Variants in CUL3 observed in about 807,000 individuals in gnomAD.
CUL3 encodes the protein cullin 3.
Under a neutral mutation model 89.1 loss-of-function variants are expected in CUL3, and 19 were observed. The observed-to-expected ratio is 0.21, with a 90% CI of 0.15 to 0.31. The LOEUF is 0.31. CUL3 is among the 10% of genes least tolerant of loss of function. CUL3 has a pLI of 1.00. For missense variants in CUL3, 469 were observed against 942.3 expected, an observed-to-expected ratio of 0.50 and a Z score of 6.58; for synonymous variants, 351 against 308.4, an observed-to-expected ratio of 1.14 and a Z score of -1.45.
intron 1 of CUL3, among the ~76,000 whole-genome samples, chr2:224,575,900 T>C (rs1315266393): frequency 6.6e-6 from 1 of 152,278 alleles, no homozygotes; most frequent in South Asian, 2.1e-4. Context: ...ACCTGACCCA[T>C]AGCAGCAACA....
chr2:224,526,704 T>G (rs1302240088), intron 3 of CUL3, among the ~76,000 whole-genome samples: 1 of 151,378 alleles, frequency 6.6e-6, no homozygotes, highest in African/African-American at 2.4e-5. Context: ...TTCCTAAACT[T>G]AATGTCATGG....
At chr2:224,583,269 CAGG>C (rs753517903) in intron 1 of CUL3, among the ~76,000 whole-genome samples, 32 of 152,172 alleles carry the variant, frequency 2.1e-4, no homozygotes, top group Non-Finnish European at 3.8e-4. Flanking sequence ...CCCAGCTACT[CAGG>C]AGGCTTTTAA....
At chr2:224,510,468 T>C (rs1387404620) in intron 6 of CUL3, among the ~76,000 whole-genome samples, 1 of 152,060 alleles carries the variant, frequency 6.6e-6, no homozygotes, top group Non-Finnish European at 1.5e-5. Flanking sequence ...CTCTTTATAA[T>C]TCTCCTTTAA....
Position 224,472,482 on chromosome 2 carries a change from A to C in CUL3, c.*1763T>G, listed in dbSNP as rs922116019. 6 of 192,292 alleles carry C rather than the reference A, an allele frequency of 3.1e-5. No individual in the cohort carries two copies. The highest frequency in any genetic ancestry group is 4.3e-5 in the Non-Finnish European group (4 of 92,142). The allele number at this position is 192,292 out of a possible 1,614,324, so 11.9% of individuals were successfully genotyped here. On this transcript the variant is annotated 3_prime_UTR_variant, in exon 16 of 16. Transcript: ENST00000264414. ...CTATAAACATCTTACCATTATAGAA[A>C]ATTTCCAATTATGTCAAAATCAGAA...
At chr2:224,569,758 G>A (rs1367818270) in intron 1 of CUL3, 2 of 1,207,152 alleles carry the variant, frequency 1.7e-6, no homozygotes, top group African/African-American at 1.6e-5. Context: ...ATGAAAAGAA[G>A]TGAATTCTTA....
chr2:224,546,470 G>A (rs1243643893), intron 2 of CUL3, among the ~76,000 whole-genome samples: 1 of 152,042 alleles, frequency 6.6e-6, no homozygotes, highest in Non-Finnish European at 1.5e-5. Context: ...AAAAAAAATG[G>A]ATCTCAGCTA....
rs193105416 is a variant in CUL3 at position 224,563,217 on chromosome 2, T to G, written c.67-5361A>C. 3.3e-4 allele frequency: 154 copies of G among 470,992 alleles called. 3 individuals carry two copies. In the East Asian group the frequency reaches 9.9e-3, roughly 30 times the overall value. The allele number at this position is 470,992 out of a possible 1,614,324, so 29.2% of individuals were successfully genotyped here. ...ACCTCAGTATAACGTAGCTTTCTTT[T>G]AGAAAACATTATTCCCCTACATCTC... On this transcript the variant is annotated intron_variant, in intron 1 of 15. Transcript: ENST00000264414.
At chr2:224,528,935 AC>A (rs1693585059) in intron 3 of CUL3, among the ~76,000 whole-genome samples, 1 of 152,188 alleles carries the variant, frequency 6.6e-6, no homozygotes, top group Admixed American at 6.5e-5. Context: ...TCAAGAAGAA[AC>A]ACAAAAATAC....
chr2:224,514,683 A>G lies in CUL3; in HGVS notation c.468T>C (p.Cys156=), dbSNP rs1692971285. The change falls in exon 4 of 16, where the codon TGT becomes TGC. Residue 156 remains cysteine (C), a synonymous_variant. Coordinates refer to ENST00000264414, the MANE Select transcript of CUL3 (RefSeq NM_003590.5). The stretch of plus-strand genomic sequence containing the variant: ...GAGTTTGCCGTAGATGATCCCTAAT[A>G]CACCCATAACGTACAACTTGATCTC... ...IFRDQVVRYG[C]IRDHLRQTLL... The G allele has an allele frequency of 6.2e-7, 1 of 1,613,478 alleles. No homozygotes were observed. The highest frequency in any genetic ancestry group is 1.7e-5 in the Admixed American group (1 of 60,006).
intron 3 of CUL3, among the ~76,000 whole-genome samples, chr2:224,515,582 T>C (rs1468519969): frequency 6.6e-6 from 1 of 152,202 alleles, no homozygotes; most frequent in African/African-American, 2.4e-5. Context: ...CCCATATCTT[T>C]CACCAGATTC....
intron 1 of CUL3, among the ~76,000 whole-genome samples, chr2:224,565,185 C>T (rs1166285506): frequency 6.6e-6 from 1 of 152,096 alleles, no homozygotes; most frequent in Non-Finnish European, 1.5e-5. Context: ...CTATTAACAC[C>T]TGTTTTGTAT....
At chr2:224,578,092 T>C (rs1400887887) in intron 1 of CUL3, among the ~76,000 whole-genome samples, 2 of 152,196 alleles carry the variant, frequency 1.3e-5, no homozygotes, top group Non-Finnish European at 2.9e-5. Context: ...GCTATTATTA[T>C]TACCCTTATG....
chr2:224,509,753 C>G (rs753549255), intron 6 of CUL3, among the ~76,000 whole-genome samples: 42 of 152,200 alleles, frequency 2.8e-4, no homozygotes, highest in Non-Finnish European at 5.6e-4. Context: ...TTTCCTATCC[C>G]CTAAGGTAGG....
chr2:224,503,618 A>T (rs748056017), intron 9 of CUL3, 34 bp downstream of exon 9: 1 of 1,499,084 alleles, frequency 6.7e-7, no homozygotes, highest in Non-Finnish European at 8.9e-7. Context: ...AACCTCAGTT[A>T]GGTGCACTCT....
At position 224,472,430 on chromosome 2, in the gene CUL3, T is replaced by C. The variant is rs1166007286; in HGVS notation, c.*1815A>G. 2 of 201,424 alleles carry C rather than the reference T, an allele frequency of 9.9e-6. No homozygotes were observed. The highest frequency in any genetic ancestry group is 4.6e-5 in the African/African-American group (2 of 43,620). The allele number at this position is 201,424 out of a possible 1,614,324, so 12.5% of individuals were successfully genotyped here. On this transcript the variant is annotated 3_prime_UTR_variant, in exon 16 of 16. Transcript: ENST00000264414. Reference sequence around the variant, plus strand: ...TGGGAAATGAAAGCAATAAAAAAATTCTCAAACATGAACTACCATTACTTT... The same window carrying C: ...TGGGAAATGAAAGCAATAAAAAAATCCTCAAACATGAACTACCATTACTTT...
intron 13 of CUL3, 68 bp downstream of exon 13, chr2:224,495,763 AG>A: frequency 1.5e-6 from 2 of 1,348,174 alleles, no homozygotes; most frequent in Non-Finnish European, 2.1e-6. Context: ...TATTCAAATA[AG>A]AAAGACTCAA....
rs1880176 is a variant in CUL3 at position 224,549,849 on chromosome 2, C to T, written c.264+7810G>A. Among the ~76,000 whole-genome samples, 1,258 of 152,154 alleles carry T rather than the reference C, an allele frequency of 8.3e-3. 10 individuals are homozygous for T. Among genetic ancestry groups the T allele is most frequent in the African/African-American group, 0.029 (1,200 of 41,506 alleles). ...TGCTTTAGTATCTGACTTACATATA[C>T]ACATATATGCGTGCACACACACACA... On this transcript the variant is annotated intron_variant, in intron 2 of 15. Transcript: ENST00000264414.
At chr2:224,534,628 A>G (rs1324114506) in intron 3 of CUL3, among the ~76,000 whole-genome samples, 3 of 152,284 alleles carry the variant, frequency 2.0e-5, no homozygotes, top group African/African-American at 7.2e-5. Context: ...TAAGAAAAAA[A>G]TTAAATCATT....
At chr2:224,543,847 T>G (rs1694201396) in intron 2 of CUL3, among the ~76,000 whole-genome samples, 2 of 151,388 alleles carry the variant, frequency 1.3e-5, no homozygotes, top group African/African-American at 4.9e-5. Context: ...TAGCTGGGGG[T>G]GGTGGTGTGT....
Sources: gnomAD v4.1 joint callset for allele counts (sites outside exome capture counted in the v4.1 genomes callset) on GRCh38, gnomAD v4.1.1 for gene constraint, MANE v1.5 for transcripts, NCBI Gene and HGNC (gene_info 2026-07-23, HGNC 2026-07-21) for gene names.